Variants in PPARGC1A observed in about 807,000 individuals in gnomAD.
PPARGC1A encodes the protein peroxisome proliferator-activated receptor gamma coactivator 1-alpha.
In PPARGC1A, 25 loss-of-function variants were observed where a neutral mutation model predicts 88.7. The observed-to-expected ratio is 0.28, with a 90% CI of 0.21 to 0.39. The LOEUF is 0.39. Among genes scored for constraint, PPARGC1A ranks in the 10% least tolerant of loss-of-function variants. The pLI is 1.00. For missense variants in PPARGC1A, 880 were observed against 968.7 expected (o/e 0.91, Z 1.22); for synonymous variants, 363 against 355.6 (o/e 1.02, Z -0.24).
chr4:24,027,880 G>A, the PPARGC1A span, among the ~76,000 whole-genome samples: 4 of 152,120 alleles, frequency 2.6e-5, no homozygotes, highest in Non-Finnish European at 5.9e-5. Context: ...ATACCGATCA[G>A]TGCCCATAAT....
At chr4:24,054,537 T>A in the PPARGC1A span, among the ~76,000 whole-genome samples, 1 of 152,224 alleles carries the variant, frequency 6.6e-6, no homozygotes, top group Non-Finnish European at 1.5e-5. Context: ...CTGGAATAAG[T>A]TACATTGTAG....
At chr4:24,006,011 GGGTTTTGTTTTT>G in the PPARGC1A span, among the ~76,000 whole-genome samples, 14 of 151,962 alleles carry the variant, frequency 9.2e-5, no homozygotes, top group East Asian at 3.9e-4. Flanking sequence ...TGACCACTTA[GGGTTTTGTTTTT>G]GGTTTTGTTT....
chr4:24,195,647 C>T, the PPARGC1A span, among the ~76,000 whole-genome samples: 1 of 152,168 alleles, frequency 6.6e-6, no homozygotes, highest in Non-Finnish European at 1.5e-5. Flanking sequence ...AAATTCAATA[C>T]TTATTCCTTA....
the PPARGC1A span, among the ~76,000 whole-genome samples, chr4:24,239,551 G>A: frequency 2.0e-5 from 3 of 152,268 alleles, no homozygotes; most frequent in East Asian, 5.8e-4. Context: ...ATATAAGACA[G>A]GGCTAGGAAT....
At chr4:24,445,865 C>A in the PPARGC1A span, among the ~76,000 whole-genome samples, 1 of 151,978 alleles carries the variant, frequency 6.6e-6, no homozygotes, top group African/African-American at 2.4e-5. Flanking sequence ...GCCAGGAGTT[C>A]GGGACCAGCC....
the PPARGC1A span, among the ~76,000 whole-genome samples, chr4:24,131,941 C>T: frequency 2.6e-5 from 4 of 152,200 alleles, no homozygotes; most frequent in Non-Finnish European, 5.9e-5. Context: ...GATGGCATGG[C>T]ACAATGCTTA....
At chr4:24,123,423 TCTTGGAAGGTTTC>T in the PPARGC1A span, among the ~76,000 whole-genome samples, 1 of 152,144 alleles carries the variant, frequency 6.6e-6, no homozygotes, top group African/African-American at 2.4e-5. Context: ...ACACATTGCA[TCTTGGAAGGTTTC>T]ACTATAGCCT....
chr4:24,370,469 G>A, the PPARGC1A span, among the ~76,000 whole-genome samples: 6 of 152,270 alleles, frequency 3.9e-5, no homozygotes, highest in South Asian at 2.1e-4. Flanking sequence ...GAATGACTTC[G>A]AATTGAAAAG....
chr4:23,838,363 G>A (rs2148591163), intron 2 of PPARGC1A, among the ~76,000 whole-genome samples: 1 of 152,210 alleles, frequency 6.6e-6, no homozygotes, highest in South Asian at 2.1e-4. Flanking sequence ...TGACTGAGAG[G>A]TTCCTAGCTC....
At chr4:24,270,311 CT>C in the PPARGC1A span, among the ~76,000 whole-genome samples, 1 of 4,058 alleles carries the variant, frequency 2.5e-4, no homozygotes. Flanking sequence ...ATCAACCTCT[CT>C]CTCTCTCTCT....
At chr4:24,059,646 C>A in the PPARGC1A span, among the ~76,000 whole-genome samples, 3 of 152,206 alleles carry the variant, frequency 2.0e-5, no homozygotes, top group African/African-American at 2.4e-5. Flanking sequence ...ACATTCTTGA[C>A]AAGGGTCACT....
the PPARGC1A span, among the ~76,000 whole-genome samples, chr4:23,959,471 AG>A: frequency 1.3e-5 from 2 of 152,138 alleles, no homozygotes; most frequent in Admixed American, 1.3e-4. Flanking sequence ...ACTCTACAGA[AG>A]GTGATAATAA....
At chr4:23,903,442 CT>C (rs1182242623), upstream of PPARGC1A, among the ~76,000 whole-genome samples, 2 of 152,076 alleles carry the variant, frequency 1.3e-5, no homozygotes, top group African/African-American at 4.8e-5. Context: ...AATAGCAAGC[CT>C]TCTGCAATTG....
chr4:23,822,657 A>G (rs1232735272), intron 7 of PPARGC1A, among the ~76,000 whole-genome samples: 1 of 152,036 alleles, frequency 6.6e-6, no homozygotes. Context: ...GGAGATGACA[A>G]TTGTAGACAT....
At chr4:24,340,565 C>CT in the PPARGC1A span, among the ~76,000 whole-genome samples, 1 of 151,246 alleles carries the variant, frequency 6.6e-6, no homozygotes, top group Non-Finnish European at 1.5e-5. Flanking sequence ...GGCTACAAAA[C>CT]TTTTTTTTTA....
the PPARGC1A span, among the ~76,000 whole-genome samples, chr4:24,275,905 C>T: frequency 2.6e-5 from 4 of 152,112 alleles, no homozygotes; most frequent in East Asian, 3.9e-4. Context: ...TCTGTGAATA[C>T]GAAGTTTCAT....
the PPARGC1A span, among the ~76,000 whole-genome samples, chr4:23,949,683 C>T: frequency 6.6e-6 from 1 of 152,126 alleles, no homozygotes; most frequent in Non-Finnish European, 1.5e-5. Flanking sequence ...TGTCTTCTTC[C>T]TCTAGAACCT....
chr4:24,161,572 G>A, the PPARGC1A span, among the ~76,000 whole-genome samples: 16 of 152,248 alleles, frequency 1.1e-4, no homozygotes, highest in Middle Eastern at 3.4e-3. Context: ...GAGATACTAT[G>A]AGGGAATTAC....
chr4:24,113,201 A>T, the PPARGC1A span, among the ~76,000 whole-genome samples: 4 of 152,132 alleles, frequency 2.6e-5, no homozygotes, highest in Non-Finnish European at 5.9e-5. Flanking sequence ...ATCTCACAAA[A>T]CAATTGATAT....
Sources: allele counts gnomAD v4.1 joint callset (sites outside exome capture counted in the v4.1 genomes callset), GRCh38; gene constraint gnomAD v4.1.1; transcripts MANE v1.5; gene names NCBI Gene and HGNC (gene_info 2026-07-23, HGNC 2026-07-21).